The following L3MBTL4 variants were observed in gnomAD, a reference collection of about 807,000 sequenced individuals.
L3MBTL4 encodes the protein L3MBTL histone methyl-lysine binding protein 4.
Under a neutral mutation model 84.5 loss-of-function variants are expected in L3MBTL4, and 70 were observed. The observed-to-expected ratio is 0.83, with a 90% CI of 0.68 to 1.01. L3MBTL4 has a LOEUF of 1.01. L3MBTL4 is among the 50% of genes least tolerant of loss of function. The pLI is 0.00. For synonymous variants in L3MBTL4, 274 were observed against 259.8 expected (o/e 1.05, Z -0.52); for missense variants, 715 against 754.8 (o/e 0.95, Z 0.62).
intron 10 of L3MBTL4, among the ~76,000 whole-genome samples, chr18:6,225,790 A>T (rs1168717873): frequency 6.6e-6 from 1 of 151,950 alleles, no homozygotes. Context: ...GTAGACTTCT[A>T]CTCAGAAACT....
At chr18:6,354,818 G>A (rs574530389) in intron 1 of L3MBTL4, among the ~76,000 whole-genome samples, 5 of 152,196 alleles carry the variant, frequency 3.3e-5, no homozygotes, top group South Asian at 2.1e-4. Context: ...GGGAACCCTC[G>A]TATACTGTTG....
chr18:6,288,724 A>T (rs1322360084), intron 4 of L3MBTL4, among the ~76,000 whole-genome samples: 1 of 152,102 alleles, frequency 6.6e-6, no homozygotes, highest in African/African-American at 2.4e-5. Flanking sequence ...ATAAAAAAAA[A>T]CTTGAAATAA....
At chr18:5,959,378 A>G (rs1311764837) in intron 18 of L3MBTL4, among the ~76,000 whole-genome samples, 2 of 152,214 alleles carry the variant, frequency 1.3e-5, no homozygotes, top group Non-Finnish European at 2.9e-5. Context: ...TAAAATGCTT[A>G]GCACCATGCC....
chr18:5,995,622 TC>T (rs1213697587), intron 16 of L3MBTL4, among the ~76,000 whole-genome samples: 1 of 152,180 alleles, frequency 6.6e-6, no homozygotes, highest in East Asian at 1.9e-4. Flanking sequence ...GAATGAGCCT[TC>T]GCACTTCTGG....
chr18:6,054,146 C>T (rs1468551410), intron 16 of L3MBTL4, among the ~76,000 whole-genome samples: 3 of 152,150 alleles, frequency 2.0e-5, no homozygotes, highest in Admixed American at 6.5e-5. Flanking sequence ...TCCATCTTTA[C>T]AGCACTGTAG....
chr18:6,046,642 C>T, intron 16 of L3MBTL4: 1 of 676,266 alleles, frequency 1.5e-6, no homozygotes, highest in Admixed American at 2.6e-5. Flanking sequence ...AAAACTTGCA[C>T]CTGAATGACT....
chr18:6,223,865 C>T (rs1031462759), intron 10 of L3MBTL4, among the ~76,000 whole-genome samples: 4 of 152,106 alleles, frequency 2.6e-5, no homozygotes, highest in Non-Finnish European at 4.4e-5. Flanking sequence ...CAGAACTAGC[C>T]CCTATCAGCC....
chr18:6,073,037 T>C (rs1254892786), intron 16 of L3MBTL4, among the ~76,000 whole-genome samples: 2 of 148,810 alleles, frequency 1.3e-5, no homozygotes, highest in East Asian at 2.0e-4. Flanking sequence ...AGAAATATAA[T>C]AGCAGAAATT....
Position 6,241,428 on chromosome 18 carries a change from A to G in L3MBTL4, c.482T>C (p.Val161Ala). The G allele has an allele frequency of 6.3e-7, 1 of 1,595,902 alleles. No individual in the cohort carries two copies. The highest frequency in any genetic ancestry group is 8.6e-7 in the Non-Finnish European group (1 of 1,168,774). ...GCAGGCCTTCAAGTAATCCATCCAA[A>G]CAAATTTATCTTTTCTATAACCTAA... The part of the protein sequence containing the change: ...IPKGYRKDKF[V>A]WMDYLKACKL... The change falls in exon 8 of 19, where the codon GTT (valine) becomes GCT (alanine). Residue 161 changes from valine (V) to alanine (A), a missense_variant. Physicochemically the swap from Val to Ala is moderately conservative, Grantham distance 64. Transcript: ENST00000317931.
chr18:6,398,829 G>A (rs536241921), intron 1 of L3MBTL4, among the ~76,000 whole-genome samples: 6 of 151,766 alleles, frequency 4.0e-5, no homozygotes, highest in Non-Finnish European at 5.9e-5. Context: ...AAAGACATGC[G>A]CCCCAGGCAC....
chr18:6,320,846 C>A (rs1263780092), intron 1 of L3MBTL4, among the ~76,000 whole-genome samples: 1 of 151,848 alleles, frequency 6.6e-6, no homozygotes, highest in African/African-American at 2.4e-5. Flanking sequence ...CAAATTATAC[C>A]AAAAGGCTAT....
At chr18:6,003,678 A>T (rs974218729) in intron 16 of L3MBTL4, among the ~76,000 whole-genome samples, 1 of 152,106 alleles carries the variant, frequency 6.6e-6, no homozygotes, top group African/African-American at 2.4e-5. Flanking sequence ...AGATTGAAAA[A>T]GATGGATATC....
At chr18:6,111,269 A>G (rs2059188465) in intron 14 of L3MBTL4, among the ~76,000 whole-genome samples, 1 of 152,216 alleles carries the variant, frequency 6.6e-6, no homozygotes, top group Admixed American at 6.5e-5. Context: ...TGATGGTTGT[A>G]CAACTCTGTG....
chr18:6,111,815 G>A (rs2059204453), intron 14 of L3MBTL4, among the ~76,000 whole-genome samples: 1 of 152,056 alleles, frequency 6.6e-6, no homozygotes, highest in Admixed American at 6.5e-5. Context: ...ATTAACATAT[G>A]TATTACCTCT....
intron 1 of L3MBTL4, among the ~76,000 whole-genome samples, chr18:6,380,075 T>C (rs1315178209): frequency 1.3e-5 from 2 of 152,220 alleles, no homozygotes; most frequent in Non-Finnish European, 2.9e-5. Context: ...AATTTATCCA[T>C]CTCTTCTAGA....
At chr18:6,157,450 CAG>C (rs1373999101) in intron 13 of L3MBTL4, among the ~76,000 whole-genome samples, 1 of 152,134 alleles carries the variant, frequency 6.6e-6, no homozygotes, top group Non-Finnish European at 1.5e-5. Flanking sequence ...TCTAATTCCA[CAG>C]AGTTTCAATG....
chr18:5,966,738 A>G (rs191359987), intron 17 of L3MBTL4, among the ~76,000 whole-genome samples: 174 of 151,498 alleles, frequency 1.1e-3, no homozygotes, highest in African/African-American at 3.5e-3. Flanking sequence ...CTTTGCCCCA[A>G]ATTTCACTTC....
chr18:6,002,857 A>G lies in L3MBTL4; in HGVS notation c.1445-33295T>C, dbSNP rs1382759845. ...GTCCCTCCTTCTTAGCAATTACTTT[A>G]AATGTAAATGAACTAAACTCTCTAA... On this transcript the variant is annotated intron_variant, in intron 16 of 18. Coordinates refer to ENST00000317931, the MANE Select transcript of L3MBTL4 (RefSeq NM_001330559.2). Among the ~76,000 whole-genome samples, 4 of 151,754 alleles carry G rather than the reference A, an allele frequency of 2.6e-5. 1 individual carries two copies. Among genetic ancestry groups the G allele is most frequent in the African/African-American group, 9.7e-5 (4 of 41,390 alleles).
At position 6,301,906 on chromosome 18, in the gene L3MBTL4, G is replaced by A. The variant is rs751176440; in HGVS notation, c.124C>T (p.His42Tyr). 3.2e-5 allele frequency: 51 copies of A among 1,611,222 alleles called. 1 individual carries two copies. The South Asian group carries it at 5.2e-4, about 16-fold the overall frequency. Residue 42 changes from histidine to tyrosine, a missense_variant, in exon 4 of 19, where the codon CAC becomes TAC. Transcript: ENST00000317931. ...KPKDSTTPLS[H>Y]VPSAAAQGAW... is the part of the protein sequence containing the mutation. ...TGTAAATATTGGTGATAATTACCGT[G>A]ACTCAAAGGGGTTGTGCTATCCTTG...
Sources: allele counts gnomAD v4.1 joint callset (sites outside exome capture counted in the v4.1 genomes callset), GRCh38; gene constraint gnomAD v4.1.1; transcripts MANE v1.5; gene names NCBI Gene and HGNC (gene_info 2026-07-23, HGNC 2026-07-21).